The following CHSY3 variants were observed in gnomAD, a reference collection of about 807,000 sequenced individuals.
CHSY3 encodes the protein N-acetylgalactosaminyl-proteoglycan 3-beta-glucuronosyltransferase 3.
Under a neutral mutation model 67.2 loss-of-function variants are expected in CHSY3, and 35 were observed. The ratio of observed to expected loss-of-function variants is 0.52; its 90% CI spans 0.40 to 0.69. The LOEUF (loss-of-function observed/expected upper bound fraction) is 0.69. Ranked by LOEUF, CHSY3 falls within the 30% of genes least tolerant of loss-of-function variation. The pLI, the probability that CHSY3 is intolerant of heterozygous loss-of-function variation, is 0.00. For synonymous variants in CHSY3, 474 were observed against 434.7 expected, an observed-to-expected ratio of 1.09 and a Z score of -1.12; for missense variants, 1,069 against 1,138.5, an observed-to-expected ratio of 0.94 and a Z score of 0.88.
chr5:130,067,682 G>T (rs1765926495), intron 2 of CHSY3, among the ~76,000 whole-genome samples: 1 of 152,112 alleles, frequency 6.6e-6, no homozygotes, highest in Admixed American at 6.6e-5. Flanking sequence ...AGAGCAGTAA[G>T]ATGAGAATAG....
Position 129,963,056 on chromosome 5 carries a change from G to A in CHSY3, c.1086+54696G>A, listed in dbSNP as rs773042374. Among the ~76,000 whole-genome samples, 9 of 151,774 alleles carry A rather than the reference G, an allele frequency of 5.9e-5. No individual in the cohort carries two copies. In the South Asian group the frequency reaches 6.2e-4, roughly 11 times the overall value. ...GGGTTTCAGCTCCAGTGGTAAAGCC[G>A]GAATAATGAGAATTGACTATAACTT... On this transcript the variant is annotated intron_variant, in intron 2 of 2. Transcript: ENST00000305031.
intron 2 of CHSY3, among the ~76,000 whole-genome samples, chr5:130,120,272 A>G (rs73244864): frequency 3.8e-4 from 57 of 151,950 alleles, no homozygotes; most frequent in African/African-American, 1.4e-3. Context: ...CTTCCTTCAA[A>G]CATTCCTGCC....
At chr5:130,020,422 A>AATATATAT (rs1174657766) in intron 2 of CHSY3, among the ~76,000 whole-genome samples, 149 of 33,242 alleles carry the variant, frequency 4.5e-3, no homozygotes, top group Non-Finnish European at 6.9e-3. Flanking sequence ...TTCATCTCAA[A>AATATATAT]ATATATATAT....
intron 2 of CHSY3, among the ~76,000 whole-genome samples, chr5:130,039,769 C>T (rs1764958873): frequency 6.6e-6 from 1 of 152,102 alleles, no homozygotes; most frequent in Non-Finnish European, 1.5e-5. Context: ...TGAGCCACTG[C>T]ATCCCACCAA....
intron 2 of CHSY3, among the ~76,000 whole-genome samples, chr5:129,920,764 A>G (rs891915154): frequency 3.3e-5 from 5 of 152,132 alleles, no homozygotes; most frequent in Non-Finnish European, 7.3e-5. Context: ...TTGTAATTTC[A>G]TGGATAGAAG....
intron 2 of CHSY3, among the ~76,000 whole-genome samples, chr5:130,047,871 C>T (rs1765202549): frequency 6.8e-6 from 1 of 147,024 alleles, no homozygotes; most frequent in South Asian, 2.1e-4. Context: ...AACATTTCAC[C>T]TTTTATAATT....
chr5:130,155,716 T>A (rs1307585007), intron 2 of CHSY3, among the ~76,000 whole-genome samples: 2 of 152,144 alleles, frequency 1.3e-5, no homozygotes, highest in East Asian at 3.9e-4. Flanking sequence ...AAGGGAGAGA[T>A]CCTAAGCTGG....
At chr5:130,105,241 A>G (rs1418084400) in intron 2 of CHSY3, among the ~76,000 whole-genome samples, 2 of 151,796 alleles carry the variant, frequency 1.3e-5, no homozygotes, top group East Asian at 3.9e-4. Context: ...TAATTTGGAC[A>G]CAAGAATTTA....
intron 2 of CHSY3, among the ~76,000 whole-genome samples, chr5:130,171,896 G>A (rs1769904116): frequency 6.6e-6 from 1 of 152,172 alleles, no homozygotes; most frequent in South Asian, 2.1e-4. Flanking sequence ...TGTGGTGCAA[G>A]TGACAGAACC....
At chr5:129,907,415 A>G (rs769859961) in intron 1 of CHSY3, among the ~76,000 whole-genome samples, 11 of 152,228 alleles carry the variant, frequency 7.2e-5, no homozygotes, top group South Asian at 2.1e-4. Flanking sequence ...ACTTATTCCA[A>G]TGTATCACTT....
intron 2 of CHSY3, among the ~76,000 whole-genome samples, chr5:130,163,681 A>G (rs980398669): frequency 1.3e-5 from 2 of 152,174 alleles, no homozygotes; most frequent in African/African-American, 4.8e-5. Flanking sequence ...AAAAATTGTT[A>G]TTACCTTTGC....
intron 2 of CHSY3, among the ~76,000 whole-genome samples, chr5:129,969,899 A>G (rs1762591047): frequency 3.3e-5 from 5 of 151,888 alleles, no homozygotes. Context: ...CCAAAATACT[A>G]GTGAAGCATT....
At chr5:130,161,735 A>C (rs1359657196) in intron 2 of CHSY3, among the ~76,000 whole-genome samples, 2 of 152,098 alleles carry the variant, frequency 1.3e-5, no homozygotes, top group African/African-American at 4.8e-5. Context: ...TTCACTTCAA[A>C]AATAGTTGAA....
At chr5:130,162,412 C>G (rs1392902546) in intron 2 of CHSY3, among the ~76,000 whole-genome samples, 1 of 152,144 alleles carries the variant, frequency 6.6e-6, no homozygotes, top group East Asian at 1.9e-4. Context: ...TGTGCTTTGC[C>G]CACTATCACA....
intron 2 of CHSY3, among the ~76,000 whole-genome samples, chr5:130,081,159 G>A (rs534852026): frequency 1.3e-5 from 2 of 152,276 alleles, no homozygotes; most frequent in African/African-American, 4.8e-5. Flanking sequence ...TTCTTCCTGT[G>A]ATATGAGTTC....
chr5:130,073,261 A>T (rs1766144535), intron 2 of CHSY3, among the ~76,000 whole-genome samples: 1 of 151,984 alleles, frequency 6.6e-6, no homozygotes, highest in Admixed American at 6.6e-5. Flanking sequence ...TACCCCATAA[A>T]TATACACATT....
At position 129,905,427 on chromosome 5, in the gene CHSY3, C is replaced by A; in HGVS notation, c.598C>A (p.Pro200Thr). 1 of 1,611,082 alleles carries A rather than the reference C, an allele frequency of 6.2e-7. No homozygotes were observed. Among genetic ancestry groups the A allele is most frequent in the Non-Finnish European group, 8.5e-7 (1 of 1,179,634 alleles). The part of the protein sequence containing the change: ...AAQRTWARFI[P>T]GRVEFFSSQQ... Reference sequence around the variant, plus strand: ...GCAGCGGACCTGGGCGCGTTTCATCCCGGGCCGCGTGGAGTTCTTTTCCAG... The same window carrying A: ...GCAGCGGACCTGGGCGCGTTTCATCACGGGCCGCGTGGAGTTCTTTTCCAG... The change falls in exon 1 of 3, where the codon CCG becomes ACG. Residue 200 changes from proline (P) to threonine (T), a missense_variant. Around this residue, in one of 5 missense-constraint regions of CHSY3, gnomAD observed 216 missense variants for 311.5 expected, o/e 0.69. Coordinates refer to ENST00000305031, the MANE Select transcript of CHSY3 (RefSeq NM_175856.5).
intron 2 of CHSY3, among the ~76,000 whole-genome samples, chr5:130,143,929 AAAGT>A (rs1768995007): frequency 1.4e-5 from 2 of 147,348 alleles, no homozygotes; most frequent in Non-Finnish European, 3.0e-5. Context: ...ACTGCATATG[AAAGT>A]AAGTATTACT....
At chr5:130,120,486 G>GAA (rs34727574) in intron 2 of CHSY3, among the ~76,000 whole-genome samples, 34 of 95,832 alleles carry the variant, frequency 3.5e-4, no homozygotes, top group East Asian at 1.2e-3. Flanking sequence ...ATTTCTGAAA[G>GAA]AAAAAAAAAA....
Sources: gnomAD v4.1 joint callset for allele counts (sites outside exome capture counted in the v4.1 genomes callset) on GRCh38, gnomAD v4.1.1 for gene constraint, gnomAD v4.1.1 regional missense constraint, MANE v1.5 for transcripts, NCBI Gene and HGNC (gene_info 2026-07-23, HGNC 2026-07-21) for gene names.